The following ENTPD1 variants were observed in gnomAD, a reference collection of about 807,000 sequenced individuals.
The protein encoded by ENTPD1 is ectonucleoside triphosphate diphosphohydrolase 1.
A neutral mutation model predicts 57.0 loss-of-function variants in ENTPD1; 33 were observed. The ratio of observed to expected loss-of-function variants is 0.58; its 90% CI spans 0.44 to 0.77. The LOEUF is 0.77. Ranked by LOEUF, ENTPD1 falls within the 30% of genes least tolerant of loss-of-function variation. ENTPD1 has a pLI of 0.00. For synonymous variants in ENTPD1, 202 were observed against 218.8 expected, an observed-to-expected ratio of 0.92 and a Z score of 0.68; for missense variants, 501 against 603.4, an observed-to-expected ratio of 0.83 and a Z score of 1.78.
the ENTPD1 span, among the ~76,000 whole-genome samples, chr10:95,700,070 G>GA: frequency 6.6e-6 from 1 of 152,066 alleles, no homozygotes; most frequent in East Asian, 1.9e-4. Context: ...TTTCTTTGAG[G>GA]AAAAAATAGA....
chr10:95,729,556 C>T (rs866727361), intron 1 of ENTPD1, among the ~76,000 whole-genome samples: 35 of 152,282 alleles, frequency 2.3e-4, no homozygotes, highest in African/African-American at 7.5e-4. Context: ...TTTAAGGAAG[C>T]GGGCAAAACC....
At chr10:95,809,197 C>T (rs1212812197) in intron 1 of ENTPD1, among the ~76,000 whole-genome samples, 1 of 152,196 alleles carries the variant, frequency 6.6e-6, no homozygotes, top group Admixed American at 6.5e-5. Context: ...TCGACAAAAC[C>T]ACCATCGTCA....
At position 95,870,860 on chromosome 10, in the gene ENTPD1, TGCA is replaced by T. The variant is rs1261382525; in HGVS notation, c.*4479_*4481del. ...ACAGCCTCAAAGTTTCATGAATTGCTGCAGTAAACATTGATTTTCATGTTTGTG... is the reference window on the plus strand; with the variant it reads ...ACAGCCTCAAAGTTTCATGAATTGCTGTAAACATTGATTTTCATGTTTGTG... On this transcript the variant is annotated 3_prime_UTR_variant, in exon 10 of 10. Transcript: ENST00000371205. The T allele has an allele frequency of 1.0e-6, 1 of 985,364 alleles. No homozygotes were observed. Among genetic ancestry groups the T allele is most frequent in the African/African-American group, 1.7e-5 (1 of 57,260 alleles). 61.0% of individuals were successfully genotyped at this position (985,364 alleles called of 1,614,324 possible).
chr10:95,715,384 GCT>G (rs901419719), intron 1 of ENTPD1, among the ~76,000 whole-genome samples: 40 of 151,906 alleles, frequency 2.6e-4, no homozygotes, highest in African/African-American at 8.9e-4. Context: ...AGCCATTCCA[GCT>G]CTTTCATAGC....
At chr10:95,785,769 T>G (rs1240746976) in intron 1 of ENTPD1, among the ~76,000 whole-genome samples, 1 of 152,216 alleles carries the variant, frequency 6.6e-6, no homozygotes, top group Admixed American at 6.5e-5. Flanking sequence ...TGCTTACCAT[T>G]TGTGTGACCA....
intron 2 of ENTPD1, among the ~76,000 whole-genome samples, chr10:95,824,816 G>A (rs1171197145): frequency 6.6e-6 from 1 of 152,166 alleles, no homozygotes; most frequent in African/African-American, 2.4e-5. Flanking sequence ...ATTGTTATAT[G>A]GGCCTGGCAA....
At chr10:95,712,109 G>GA in intron 1 of ENTPD1, 6 of 1,475,358 alleles carry the variant, frequency 4.1e-6, no homozygotes, top group Middle Eastern at 1.9e-4. Context: ...TGATTAATGA[G>GA]AAAAAAGGAT....
At chr10:95,809,317 A>T (rs1273439895) in intron 1 of ENTPD1, among the ~76,000 whole-genome samples, 1 of 147,490 alleles carries the variant, frequency 6.8e-6, no homozygotes, top group Non-Finnish European at 1.5e-5. Context: ...GGCGCCCCCC[A>T]CATCCCAGAT....
intron 1 of ENTPD1, among the ~76,000 whole-genome samples, chr10:95,720,394 G>A: frequency 6.6e-6 from 1 of 152,126 alleles, no homozygotes; most frequent in East Asian, 1.9e-4. Flanking sequence ...GGGCTTTCAG[G>A]CATAATTAGA....
chr10:95,815,506 T>G (rs1159874127), intron 1 of ENTPD1, among the ~76,000 whole-genome samples: 1 of 152,210 alleles, frequency 6.6e-6, no homozygotes, highest in African/African-American at 2.4e-5. Context: ...GGTCACTTTT[T>G]ATTTCTGGAT....
chr10:95,711,504 A>G (rs958769103), upstream of ENTPD1, among the ~76,000 whole-genome samples: 3 of 151,840 alleles, frequency 2.0e-5, no homozygotes, highest in African/African-American at 7.3e-5. Context: ...TATTTTATTT[A>G]TTTTCACTTT....
chr10:95,726,352 A>G (rs184491841), intron 1 of ENTPD1, among the ~76,000 whole-genome samples: 17 of 152,342 alleles, frequency 1.1e-4, no homozygotes, highest in Admixed American at 3.3e-4. Flanking sequence ...TTTTATAATT[A>G]TTCATATTTT....
rs2098475021 is a variant in ENTPD1, at chr10:95,866,792, A to G, written c.*409A>G. Reference sequence around the variant, plus strand: ...AGGAACTGGTTCAGTTGTACTCTTTAAGAACCCCTTTCTCTCTCCTGTTTG... The same window carrying G: ...AGGAACTGGTTCAGTTGTACTCTTTGAGAACCCCTTTCTCTCTCCTGTTTG... On this transcript the variant is annotated 3_prime_UTR_variant, in exon 10 of 10. Transcript: ENST00000371205. 9.3e-7 allele frequency: 1 copy of G among 1,077,548 alleles called. No individual in the cohort carries two copies. The highest frequency in any genetic ancestry group is 1.1e-6 in the Non-Finnish European group (1 of 885,124). The allele number at this position is 1,077,548 out of a possible 1,614,324, so 66.7% of individuals were successfully genotyped here. A position where few individuals can be genotyped will look rare whatever the true frequency, so the allele number is the denominator to read the frequency against.
At chr10:95,866,139 T>A in intron 9 of ENTPD1, 38 bp from the exon 10 acceptor site, 2 of 1,594,316 alleles carry the variant, frequency 1.3e-6, no homozygotes, top group Non-Finnish European at 1.7e-6. Context: ...CTCTTCTAAC[T>A]CCTCCAACCA....
intron 1 of ENTPD1, among the ~76,000 whole-genome samples, chr10:95,738,171 G>A (rs1207534555): frequency 2.6e-5 from 4 of 152,204 alleles, no homozygotes; most frequent in African/African-American, 7.2e-5. Flanking sequence ...ATGCTCAGCA[G>A]GGATATGGAT....
At chr10:95,785,602 A>G (rs887439368) in intron 1 of ENTPD1, among the ~76,000 whole-genome samples, 1 of 152,218 alleles carries the variant, frequency 6.6e-6, no homozygotes, top group African/African-American at 2.4e-5. Context: ...GAAGGTGGCT[A>G]TGTAAACTGG....
intron 1 of ENTPD1, among the ~76,000 whole-genome samples, chr10:95,712,895 G>A (rs953304535): frequency 1.1e-4 from 16 of 152,198 alleles, no homozygotes; most frequent in Non-Finnish European, 1.8e-4. Context: ...TTAGCCGGGT[G>A]TGGTGGCGGA....
At chr10:95,724,281 A>T (rs2097981303) in intron 1 of ENTPD1, among the ~76,000 whole-genome samples, 1 of 152,000 alleles carries the variant, frequency 6.6e-6, no homozygotes, top group Non-Finnish European at 1.5e-5. Flanking sequence ...TTTTCCTCCA[A>T]TTCTAAGGAA....
intron 1 of ENTPD1, among the ~76,000 whole-genome samples, chr10:95,750,548 A>G (rs2098010604): frequency 1.3e-5 from 2 of 150,274 alleles, no homozygotes. Flanking sequence ...TGCTTCTTGC[A>G]CAGACTGCAG....
Sources: allele counts gnomAD v4.1 joint callset (sites outside exome capture counted in the v4.1 genomes callset), GRCh38; gene constraint gnomAD v4.1.1; transcripts MANE v1.5; gene names NCBI Gene and HGNC (gene_info 2026-07-23, HGNC 2026-07-21).